The following VAV3 variants were observed in gnomAD, a reference collection of about 807,000 sequenced individuals.
VAV3 encodes vav guanine nucleotide exchange factor 3.
VAV3 carries 94 observed loss-of-function variants against 131.2 expected under a neutral mutation model. The ratio of observed to expected loss-of-function variants is 0.72; its 90% CI spans 0.61 to 0.85. The LOEUF (loss-of-function observed/expected upper bound fraction) is 0.85. Ranked by LOEUF, VAV3 falls within the 40% of genes least tolerant of loss-of-function variation. The pLI is 0.00. For synonymous variants in VAV3, 349 were observed against 342.0 expected, an observed-to-expected ratio of 1.02 and a Z score of -0.22; for missense variants, 939 against 1,002.7, an observed-to-expected ratio of 0.94 and a Z score of 0.86.
intron 2 of VAV3, among the ~76,000 whole-genome samples, chr1:107,857,597 C>T (rs1222441829): frequency 1.3e-5 from 2 of 152,138 alleles, no homozygotes; most frequent in African/African-American, 2.4e-5. Context: ...ATTTCTGTTT[C>T]ACTGCCGTAG....
chr1:107,635,955 T>C lies in VAV3; in HGVS notation c.1914+6664A>G, dbSNP rs537840864. On this transcript the variant is annotated intron_variant, in intron 20 of 26. Transcript: ENST00000370056. Reference sequence around the variant, plus strand: ...AGTTCACTCATCTATAAATTGAGGATAATAATAGTAATTCATTTTATAGAA... The same window carrying C: ...AGTTCACTCATCTATAAATTGAGGACAATAATAGTAATTCATTTTATAGAA... Among the ~76,000 whole-genome samples, 75 of 152,332 alleles carry C rather than the reference T, an allele frequency of 4.9e-4. 2 individuals are homozygous for C. The South Asian group carries it at 0.016, about 32-fold the overall frequency.
chr1:107,717,002 C>T (rs541922869), intron 15 of VAV3, among the ~76,000 whole-genome samples: 159 of 152,272 alleles, frequency 1.0e-3, no homozygotes, highest in African/African-American at 3.8e-3. Flanking sequence ...TCCATTTCTT[C>T]TAGATTTTCT....
At chr1:107,699,179 G>A (rs1245066111) in intron 17 of VAV3, among the ~76,000 whole-genome samples, 1 of 152,178 alleles carries the variant, frequency 6.6e-6, no homozygotes, top group African/African-American at 2.4e-5. Flanking sequence ...TTCCAACTAT[G>A]AGCCAGTAAA....
At chr1:107,640,091 G>C (rs1180026964) in intron 20 of VAV3, among the ~76,000 whole-genome samples, 1 of 152,058 alleles carries the variant, frequency 6.6e-6, no homozygotes, top group Non-Finnish European at 1.5e-5. Flanking sequence ...ATCTACATAT[G>C]ATCTATATAT....
chr1:107,704,128 C>T (rs1019061495), intron 17 of VAV3, among the ~76,000 whole-genome samples: 1 of 152,084 alleles, frequency 6.6e-6, no homozygotes, highest in Non-Finnish European at 1.5e-5. Flanking sequence ...CTTCTGGAGC[C>T]ATTAGCATTC....
intron 23 of VAV3, 108 bp downstream of exon 23, chr1:107,602,939 C>T (rs2101106442): frequency 5.2e-6 from 4 of 771,492 alleles, no homozygotes; most frequent in Non-Finnish European, 8.5e-6. Flanking sequence ...CATTATTTCT[C>T]CTTCAATTAG....
At chr1:107,729,796 T>C (rs1048082793) in intron 15 of VAV3, among the ~76,000 whole-genome samples, 1 of 152,150 alleles carries the variant, frequency 6.6e-6, no homozygotes, top group Non-Finnish European at 1.5e-5. Flanking sequence ...ATTGGAAAAA[T>C]AATAAATACA....
chr1:107,770,459 G>A (rs909798333), intron 6 of VAV3, among the ~76,000 whole-genome samples, 177 bp downstream of exon 6: 5 of 152,120 alleles, frequency 3.3e-5, no homozygotes, highest in South Asian at 2.1e-4. Flanking sequence ...GTGCCACTCA[G>A]GTACTAAGAC....
At chr1:107,665,904 C>G (rs752212801) in intron 19 of VAV3, among the ~76,000 whole-genome samples, 1 of 152,030 alleles carries the variant, frequency 6.6e-6, no homozygotes, top group Non-Finnish European at 1.5e-5. Flanking sequence ...AAGAAACAAA[C>G]GGTGAAGGAT....
chr1:107,600,017 A>C, intron 24 of VAV3, among the ~76,000 whole-genome samples: 1 of 151,980 alleles, frequency 6.6e-6, no homozygotes. Flanking sequence ...CCAGAAGTTC[A>C]GGTTGCTAAA....
rs913086304 is a variant in VAV3 at position 107,609,906 on chromosome 1, C to T, written c.2015+25G>A. On this transcript the variant is annotated intron_variant, in intron 22 of 26. Transcript: ENST00000370056. ...CTAAGGGTATGGTATTTCAACCTAG[C>T]TACATAAACATTTTTAATACTTACC... 3.1e-6 allele frequency: 5 copies of T among 1,609,796 alleles called. No homozygotes were observed. The African/African-American group carries it at 4.0e-5, about 13-fold the overall frequency.
intron 25 of VAV3, 29 bp downstream of exon 25, chr1:107,596,183 C>A (rs764627551): frequency 1.3e-6 from 2 of 1,595,350 alleles, no homozygotes; most frequent in Admixed American, 1.8e-5. Context: ...TAAGTGACAG[C>A]AAATTGTATT....
intron 20 of VAV3, among the ~76,000 whole-genome samples, chr1:107,627,840 T>C (rs556014522): frequency 1.2e-4 from 19 of 152,282 alleles, no homozygotes; most frequent in Admixed American, 1.2e-3. Context: ...AATAAACAAT[T>C]CCTTTTAAAA....
chr1:107,649,951 TAGAA>T (rs922799989), intron 19 of VAV3, among the ~76,000 whole-genome samples: 1 of 152,016 alleles, frequency 6.6e-6, no homozygotes, highest in African/African-American at 2.4e-5. Flanking sequence ...AAGAACCACT[TAGAA>T]AGAGATTCTG....
chr1:107,599,927 G>A (rs557157418), intron 24 of VAV3, among the ~76,000 whole-genome samples: 1 of 151,674 alleles, frequency 6.6e-6, no homozygotes, highest in African/African-American at 2.4e-5. Flanking sequence ...ACTCCAACAT[G>A]ATAAAAGGTA....
intron 1 of VAV3, among the ~76,000 whole-genome samples, chr1:107,905,000 T>C (rs952019057): frequency 6.6e-6 from 1 of 152,178 alleles, no homozygotes. Context: ...GCATTCCAGA[T>C]AGAAGAACAA....
At chr1:107,791,745 G>A (rs1666297511) in intron 2 of VAV3, among the ~76,000 whole-genome samples, 2 of 152,130 alleles carry the variant, frequency 1.3e-5, no homozygotes, top group Non-Finnish European at 2.9e-5. Context: ...AAACCCTGAG[G>A]TCCAAGAGAA....
chr1:107,816,171 C>G (rs1320381454), intron 2 of VAV3, among the ~76,000 whole-genome samples: 1 of 152,072 alleles, frequency 6.6e-6, no homozygotes, highest in Non-Finnish European at 1.5e-5. Flanking sequence ...TCTGGCCTAA[C>G]AGAAAGGCAA....
At chr1:107,666,014 A>G (rs1438733098) in intron 19 of VAV3, among the ~76,000 whole-genome samples, 1 of 152,200 alleles carries the variant, frequency 6.6e-6, no homozygotes, top group African/African-American at 2.4e-5. Context: ...TTTTCAGAAA[A>G]TGCTCCCAAG....
Sources: gnomAD v4.1 joint callset for allele counts (sites outside exome capture counted in the v4.1 genomes callset) on GRCh38, gnomAD v4.1.1 for gene constraint, MANE v1.5 for transcripts, NCBI Gene and HGNC (gene_info 2026-07-23, HGNC 2026-07-21) for gene names.